CADM2: variants seen among roughly 807,000 people sequenced by gnomAD.
The protein encoded by CADM2 is cell adhesion molecule 2, also known as immunoglobulin superfamily member 4D.
CADM2 carries 12 observed loss-of-function variants against 49.8 expected under a neutral mutation model. The ratio of observed to expected loss-of-function variants is 0.24; its 90% CI spans 0.15 to 0.39. The LOEUF (loss-of-function observed/expected upper bound fraction) is 0.39. Ranked by LOEUF, CADM2 falls within the 10% of genes least tolerant of loss-of-function variation. The pLI is 1.00. For synonymous variants in CADM2, 214 were observed against 175.4 expected (o/e 1.22, Z -1.74); for missense variants, 378 against 492.3 (o/e 0.77, Z 2.20).
At chr3:85,158,697 G>A (rs1439229250) in intron 1 of CADM2, among the ~76,000 whole-genome samples, 1 of 152,078 alleles carries the variant, frequency 6.6e-6, no homozygotes, top group Non-Finnish European at 1.5e-5. Flanking sequence ...GTTGTGGGGT[G>A]TGGGGAGTGG....
intron 1 of CADM2, among the ~76,000 whole-genome samples, chr3:85,619,168 T>G (rs938679957): frequency 5.9e-5 from 9 of 152,166 alleles, no homozygotes; most frequent in African/African-American, 2.2e-4. Context: ...AACTGTGGAC[T>G]CTTTCTCAGA....
chr3:85,180,644 T>C (rs2040911390), intron 1 of CADM2, among the ~76,000 whole-genome samples: 1 of 152,072 alleles, frequency 6.6e-6, no homozygotes, highest in Admixed American at 6.6e-5. Flanking sequence ...TTACTATCTA[T>C]AATTCACAAA....
chr3:85,551,323 A>T (rs2061797441), intron 1 of CADM2, among the ~76,000 whole-genome samples: 1 of 152,138 alleles, frequency 6.6e-6, no homozygotes, highest in Non-Finnish European at 1.5e-5. Context: ...ATTCTGTGAT[A>T]AGCAAGTCCT....
chr3:85,421,229 C>T lies in CADM2; in HGVS notation c.62-305293C>T, dbSNP rs140511762. ...GAGGTCTGCCTGCTTTCAGTACATT[C>T]TTTGTTATTATATACCCTAATTTTG... is the stretch of plus-strand genomic sequence containing the variant. On this transcript the variant is annotated intron_variant, in intron 1 of 9. Coordinates refer to ENST00000383699, the MANE Select transcript of CADM2 (RefSeq NM_001167675.2). Among the ~76,000 whole-genome samples, 23 of 152,142 alleles carry T rather than the reference C, an allele frequency of 1.5e-4. No individual in the cohort carries two copies. The East Asian group carries it at 4.4e-3, about 29-fold the overall frequency.
chr3:85,632,401 C>A (rs546793164), intron 1 of CADM2, among the ~76,000 whole-genome samples: 1 of 152,162 alleles, frequency 6.6e-6, no homozygotes, highest in Non-Finnish European at 1.5e-5. Context: ...CAGACTAAAA[C>A]AACTTCTTAA....
At chr3:85,771,876 G>T (rs1297288546) in intron 2 of CADM2, among the ~76,000 whole-genome samples, 2 of 152,054 alleles carry the variant, frequency 1.3e-5, no homozygotes, top group Admixed American at 6.6e-5. Context: ...TGATCAGAAA[G>T]AACTAGTTCC....
chr3:85,768,808 T>C (rs1392954827), intron 2 of CADM2, among the ~76,000 whole-genome samples: 4 of 97,804 alleles, frequency 4.1e-5, no homozygotes, highest in East Asian at 2.8e-4. Flanking sequence ...CATATATACA[T>C]ATATAGTATA....
intron 2 of CADM2, among the ~76,000 whole-genome samples, chr3:85,755,502 C>T (rs917707589): frequency 2.6e-5 from 4 of 152,100 alleles, no homozygotes; most frequent in African/African-American, 9.7e-5. Context: ...CACTTCATTA[C>T]TTGGACACTG....
At chr3:85,303,386 C>T (rs1430709722) in intron 1 of CADM2, among the ~76,000 whole-genome samples, 1 of 151,896 alleles carries the variant, frequency 6.6e-6, no homozygotes, top group African/African-American at 2.4e-5. Context: ...AATTAGCTCT[C>T]ACACCCACAC....
At chr3:85,868,934 A>G (rs1160411946) in intron 3 of CADM2, among the ~76,000 whole-genome samples, 1 of 151,904 alleles carries the variant, frequency 6.6e-6, no homozygotes, top group African/African-American at 2.4e-5. Context: ...TTATTGTAAT[A>G]TTTCAGATTA....
chr3:85,050,755 A>G (rs995150872), intron 1 of CADM2, among the ~76,000 whole-genome samples: 1 of 152,220 alleles, frequency 6.6e-6, no homozygotes, highest in Non-Finnish European at 1.5e-5. Context: ...ACATTTAATA[A>G]GAGGTATTCA....
At chr3:86,021,110 A>C (rs1044474480) in intron 8 of CADM2, among the ~76,000 whole-genome samples, 1 of 152,006 alleles carries the variant, frequency 6.6e-6, no homozygotes, top group Non-Finnish European at 1.5e-5. Context: ...AGTGATTCTC[A>C]TGCCTCAGCC....
chr3:85,506,012 C>T (rs1445430165), intron 1 of CADM2, among the ~76,000 whole-genome samples: 1 of 152,224 alleles, frequency 6.6e-6, no homozygotes, highest in East Asian at 1.9e-4. Context: ...ATAGTCAAAT[C>T]TGATCCTTTT....
chr3:85,682,397 A>G (rs2066064347), intron 1 of CADM2, among the ~76,000 whole-genome samples: 1 of 152,074 alleles, frequency 6.6e-6, no homozygotes, highest in Admixed American at 6.6e-5. Context: ...TCACAGTTTT[A>G]CAAAGCAATA....
At chr3:85,956,148 A>G (rs1577770476) in intron 7 of CADM2, among the ~76,000 whole-genome samples, 1 of 151,522 alleles carries the variant, frequency 6.6e-6, no homozygotes, top group Admixed American at 6.6e-5. Flanking sequence ...ATCTGATGCT[A>G]TTTTCACTGT....
At chr3:85,502,056 G>A (rs2040140451) in intron 1 of CADM2, among the ~76,000 whole-genome samples, 1 of 152,104 alleles carries the variant, frequency 6.6e-6, no homozygotes, top group African/African-American at 2.4e-5. Flanking sequence ...AGTAGTGACT[G>A]AGACTTTAGG....
chr3:85,658,320 G>A (rs960238166), intron 1 of CADM2, among the ~76,000 whole-genome samples: 4 of 151,782 alleles, frequency 2.6e-5, no homozygotes, highest in African/African-American at 9.7e-5. Flanking sequence ...GAGGCCAAAA[G>A]AGACATGAAA....
intron 1 of CADM2, among the ~76,000 whole-genome samples, chr3:85,295,897 T>C (rs2043950159): frequency 6.6e-6 from 1 of 151,252 alleles, no homozygotes; most frequent in Non-Finnish European, 1.5e-5. Context: ...CTGCACAATG[T>C]GCACAAGTAC....
intron 1 of CADM2, among the ~76,000 whole-genome samples, chr3:84,969,568 G>T (rs2031266720): frequency 6.6e-6 from 1 of 150,674 alleles, no homozygotes; most frequent in South Asian, 2.1e-4. Flanking sequence ...ATTTAATCTT[G>T]ACACAACTCT....
Sources: allele counts gnomAD v4.1 joint callset (sites outside exome capture counted in the v4.1 genomes callset), GRCh38; gene constraint gnomAD v4.1.1; transcripts MANE v1.5; gene names NCBI Gene and HGNC (gene_info 2026-07-23, HGNC 2026-07-21).